ROS1: variants seen among roughly 807,000 people sequenced by gnomAD.
The protein encoded by ROS1 is proto-oncogene tyrosine-protein kinase ROS.
A neutral mutation model predicts 273.5 loss-of-function variants in ROS1; 263 were observed. The observed-to-expected ratio is 0.96, with a 90% CI of 0.87 to 1.06. The LOEUF is 1.06. Among genes scored for constraint, ROS1 ranks in the 50% least tolerant of loss-of-function variants. ROS1 has a pLI of 0.00. For missense variants in ROS1, 2,833 were observed against 2,751.1 expected (o/e 1.03, Z -0.67); for synonymous variants, 1,008 against 954.1 (o/e 1.06, Z -1.04).
At chr6:117,366,392 A>G in intron 18 of ROS1, 102 bp from the exon 19 acceptor site, 1 of 719,950 alleles carries the variant, frequency 1.4e-6, no homozygotes, top group South Asian at 1.7e-5. Context: ...ATCTGTACGC[A>G]TTTGTGTACA....
At position 117,396,253 on chromosome 6, in the gene ROS1, G is replaced by A. The variant is rs1773476999; in HGVS notation, c.818C>T (p.Ala273Val). 1.2e-6 allele frequency: 2 copies of A among 1,612,638 alleles called. No homozygotes were observed. Among genetic ancestry groups the A allele is most frequent in the South Asian group, 2.2e-5 (2 of 90,954 alleles). The change falls in exon 9 of 44, where the codon GCA becomes GTA. Residue 273 changes from alanine to valine, a missense_variant. Physicochemically the swap from Ala to Val is moderately conservative, Grantham distance 64. Coordinates refer to ENST00000368507, the MANE Select transcript of ROS1 (RefSeq NM_001378902.1). Reference protein sequence around the residue: ...LPNTIYRFSIAAVNEVGEGPE... With the variant: ...LPNTIYRFSIVAVNEVGEGPE... ...ACCCTCACCAACTTCATTTACTGCT[G>A]CAATAGAAAACCTATTCCAAAAACA... is the stretch of plus-strand genomic sequence containing the variant.
intron 5 of ROS1, among the ~76,000 whole-genome samples, chr6:117,408,326 C>A (rs1582877150): frequency 6.6e-6 from 1 of 152,024 alleles, no homozygotes; most frequent in African/African-American, 2.4e-5. Flanking sequence ...TGACAAAGGG[C>A]TAATATCCAG....
intron 17 of ROS1, among the ~76,000 whole-genome samples, chr6:117,381,782 G>A (rs978210909): frequency 5.3e-5 from 8 of 152,174 alleles, no homozygotes; most frequent in African/African-American, 1.4e-4. Context: ...TTGCTGGATC[G>A]AATGATAGAA....
chr6:117,388,607 A>ATATT (rs1554248765), intron 13 of ROS1, among the ~76,000 whole-genome samples: 2 of 152,210 alleles, frequency 1.3e-5, no homozygotes, highest in Non-Finnish European at 2.9e-5. Context: ...ATTCATTTAC[A>ATATT]TATTATCTAT....
At position 117,383,405 on chromosome 6, in the gene ROS1, C is replaced by G; in HGVS notation, c.2393G>C (p.Trp798Ser). 1 of 1,613,938 alleles carries G rather than the reference C, an allele frequency of 6.2e-7. No individual in the cohort carries two copies. Among genetic ancestry groups the G allele is most frequent in the Non-Finnish European group, 8.5e-7 (1 of 1,179,904 alleles). ...GCTTTCCACTGAATAGAGTGTGGTCCAGTAGAGATATCCACCAACTGAATC... is the reference window on the plus strand; with the variant it reads ...GCTTTCCACTGAATAGAGTGTGGTCGAGTAGAGATATCCACCAACTGAATC... ...VVDSVGGYLY[W>S]TTLYSVESTR... The change falls in exon 17 of 44, where the codon TGG becomes TCG. Residue 798 changes from tryptophan (W) to serine (S), a missense_variant. Physicochemically the swap from Trp to Ser is radical, Grantham distance 177. Transcript: ENST00000368507.
intron 13 of ROS1, 94 bp from the exon 14 acceptor site, chr6:117,388,086 A>C: frequency 1.9e-5 from 30 of 1,571,340 alleles, no homozygotes; most frequent in Non-Finnish European, 2.3e-5. Flanking sequence ...GCCTCATCTC[A>C]AATGGGAGAG....
At chr6:117,344,899 C>T (rs1330329144) in intron 27 of ROS1, among the ~76,000 whole-genome samples, 3 of 152,148 alleles carry the variant, frequency 2.0e-5, no homozygotes, top group African/African-American at 7.2e-5. Context: ...AGTGCAGTAG[C>T]GCAACCATAC....
chr6:117,304,065 AT>A (rs1243031398), intron 42 of ROS1, among the ~76,000 whole-genome samples: 1 of 152,220 alleles, frequency 6.6e-6, no homozygotes, highest in African/African-American at 2.4e-5. Context: ...CAATGTATTG[AT>A]CTGATGACTT....
In ROS1 at chr6:117,310,299, T is replaced by C; in HGVS notation, c.6216-18A>G. On this transcript the variant is annotated intron_variant, in intron 40 of 43. Coordinates refer to ENST00000368507, the MANE Select transcript of ROS1 (RefSeq NM_001378902.1). ...CCAGATCCCTGTGGCAGAAGTTATA[T>C]TTAATAATAATAATAATAACAACAA... 6.9e-7 allele frequency: 1 copy of C among 1,457,708 alleles called. No homozygotes were observed. The highest frequency in any genetic ancestry group is 9.3e-7 in the Non-Finnish European group (1 of 1,073,482). 90.3% of individuals were successfully genotyped at this position (1,457,708 alleles called of 1,614,324 possible).
intron 27 of ROS1, among the ~76,000 whole-genome samples, chr6:117,352,023 T>C (rs565801566): frequency 1.5e-3 from 225 of 152,326 alleles, no homozygotes; most frequent in African/African-American, 5.3e-3. Flanking sequence ...TTTAGAATGA[T>C]ATTTGCACCT....
At chr6:117,394,834 C>A (rs1582837885) in intron 9 of ROS1, 96 bp from the exon 10 acceptor site, 1 of 1,123,648 alleles carries the variant, frequency 8.9e-7, no homozygotes, top group Non-Finnish European at 1.2e-6. Context: ...AGCAAGGGGA[C>A]TAGTGCTTGA....
chr6:117,304,749 G>A (rs368385177), intron 42 of ROS1, among the ~76,000 whole-genome samples: 5 of 152,218 alleles, frequency 3.3e-5, no homozygotes, highest in Middle Eastern at 3.4e-3. Context: ...TTGGCCCTGC[G>A]TCCCCACCCA....
intron 18 of ROS1, among the ~76,000 whole-genome samples, chr6:117,376,771 A>C (rs554079057): frequency 6.6e-6 from 1 of 152,314 alleles, no homozygotes; most frequent in Non-Finnish European, 1.5e-5. Context: ...AAAACCTAAA[A>C]AAATGGAGAG....
At chr6:117,364,427 T>C (rs1423756025) in intron 21 of ROS1, among the ~76,000 whole-genome samples, 3 of 152,204 alleles carry the variant, frequency 2.0e-5, no homozygotes, top group African/African-American at 7.2e-5. Context: ...GTAACTATTT[T>C]ATTTGGGCAA....
intron 35 of ROS1, among the ~76,000 whole-genome samples, chr6:117,321,837 T>C (rs975537785): frequency 6.7e-6 from 1 of 150,134 alleles, no homozygotes; most frequent in Non-Finnish European, 1.5e-5. Flanking sequence ...CAATTTTTTT[T>C]TTTTTTTTTT....
At chr6:117,327,325 A>T (rs547818696) in intron 33 of ROS1, among the ~76,000 whole-genome samples, 2 of 152,324 alleles carry the variant, frequency 1.3e-5, no homozygotes, top group African/African-American at 4.8e-5. Context: ...TTTAAGGACC[A>T]TCCTGAGCAA....
At chr6:117,341,902 A>T (rs564192549) in intron 29 of ROS1, among the ~76,000 whole-genome samples, 2 of 152,282 alleles carry the variant, frequency 1.3e-5, no homozygotes, top group South Asian at 2.1e-4. Flanking sequence ...GAGTTTTGTG[A>T]ATATCATCAG....
At chr6:117,298,561 A>G (rs952415294) in intron 43 of ROS1, among the ~76,000 whole-genome samples, 2 of 152,222 alleles carry the variant, frequency 1.3e-5, no homozygotes, top group African/African-American at 4.8e-5. Context: ...AATAAGAACC[A>G]GGCCATGCTG....
intron 33 of ROS1, among the ~76,000 whole-genome samples, chr6:117,326,958 T>C (rs1011902082): frequency 2.0e-4 from 31 of 152,222 alleles, no homozygotes; most frequent in Non-Finnish European, 3.7e-4. Context: ...CCAATTGTTT[T>C]TCATTTGAAA....
Sources: allele counts gnomAD v4.1 joint callset (sites outside exome capture counted in the v4.1 genomes callset), GRCh38; gene constraint gnomAD v4.1.1; transcripts MANE v1.5; gene names NCBI Gene and HGNC (gene_info 2026-07-23, HGNC 2026-07-21).